ZNF397: variants seen among roughly 807,000 people sequenced by gnomAD.
ZNF397 encodes zinc finger and SCAN domain-containing protein 15.
A neutral mutation model predicts 50.6 loss-of-function variants in ZNF397; 38 were observed. The ratio of observed to expected loss-of-function variants is 0.75; its 90% CI spans 0.58 to 0.98. ZNF397 has a LOEUF of 0.98. Among genes scored for constraint, ZNF397 ranks in the 50% least tolerant of loss-of-function variants. The pLI is 0.00. For missense variants in ZNF397, 624 were observed against 624.1 expected, an observed-to-expected ratio of 1.00 and a Z score of 0.00; for synonymous variants, 228 against 215.2, an observed-to-expected ratio of 1.06 and a Z score of -0.52.
chr18:35,253,336 A>T, downstream of ZNF397: 2 of 780,998 alleles, frequency 2.6e-6, no homozygotes, highest in Middle Eastern at 2.4e-4. Context: ...TATAGTACCG[A>T]ACTGGGAGGG....
chr18:35,251,021 A>T (rs2043573047), downstream of ZNF397: 1 of 152,152 alleles, frequency 6.6e-6, no homozygotes, highest in Non-Finnish European at 1.5e-5. Context: ...TGTTCATGTT[A>T]TTGTGTTCCG....
chr18:35,242,485 T>C lies in ZNF397; in HGVS notation c.15T>C (p.Ser5=). 6.2e-7 allele frequency: 1 copy of C among 1,612,670 alleles called. No individual in the cohort carries two copies. Among genetic ancestry groups the C allele is most frequent in the South Asian group, 1.1e-5 (1 of 91,038 alleles). ...TTCAGCCAAGAATGGCTGTGGAATC[T>C]GGAGTGATTTCAACCCTGATACCTC... MAVE[S]GVISTLIPQD... is the part of the protein sequence containing the mutation. The change falls in exon 2 of 4, where the codon TCT becomes TCC. Residue 5 remains serine (S), a synonymous_variant. Coordinates refer to ENST00000330501, the MANE Select transcript of ZNF397 (RefSeq NM_001135178.3).
rs564852891 is a variant in ZNF397, at chr18:35,258,267, A to G, written c.*329A>G. The G allele has an allele frequency of 7.7e-5, 31 of 400,960 alleles. No homozygotes were observed. The South Asian group carries it at 9.4e-4, about 12-fold the overall frequency. 24.8% of individuals were successfully genotyped at this position (400,960 alleles called of 1,614,324 possible). A position where few individuals can be genotyped will look rare whatever the true frequency, so the allele number is the denominator to read the frequency against. Reference sequence around the variant, plus strand: ...CCATGGGACCACGCATAAATGGAGAACGAGTAAATTTTGCTAAGTCCAAGG... The same window carrying G: ...CCATGGGACCACGCATAAATGGAGAGCGAGTAAATTTTGCTAAGTCCAAGG... On this transcript the variant is annotated 3_prime_UTR_variant, in exon 6 of 6. Transcript: ENST00000261333.
downstream of ZNF397, chr18:35,258,612 C>T (rs546790351): frequency 1.3e-5 from 2 of 152,682 alleles, no homozygotes; most frequent in Admixed American, 1.3e-4. Flanking sequence ...TGGCTCATGC[C>T]TGTAATTCCA....
chr18:35,255,924 G>A (rs2043793469), intron 5 of ZNF397: 1 of 153,116 alleles, frequency 6.5e-6, no homozygotes, highest in Non-Finnish European at 1.5e-5. Flanking sequence ...GTTAAAGTCA[G>A]AGACCCAACA....
intron 1 of ZNF397, chr18:35,241,459 A>G (rs1289173599): frequency 6.6e-6 from 1 of 152,236 alleles, no homozygotes; most frequent in African/African-American, 2.4e-5. Flanking sequence ...AGTGTGAGGA[A>G]TGAATTTTAC....
At chr18:35,243,382 A>G in intron 3 of ZNF397, 89 bp downstream of exon 3, 1 of 1,581,904 alleles carries the variant, frequency 6.3e-7, no homozygotes, top group South Asian at 1.1e-5. Flanking sequence ...CAAACTTGCC[A>G]CATGTGAGCA....
chr18:35,245,988 A>G lies in ZNF397; in HGVS notation c.1283A>G (p.Asn428Ser), dbSNP rs1330377390. The G allele has an allele frequency of 1.9e-6, 3 of 1,580,474 alleles. No individual in the cohort carries two copies. The highest frequency in any genetic ancestry group is 2.3e-5 in the South Asian group (2 of 86,422). ...IHTGERPYEC[N>S]ECGKAFRQSS... is the part of the protein sequence containing the mutation. Reference sequence around the variant, plus strand: ...ACAGGAGAGAGACCCTATGAATGTAATGAATGTGGAAAAGCTTTCAGGCAG... The same window carrying G: ...ACAGGAGAGAGACCCTATGAATGTAGTGAATGTGGAAAAGCTTTCAGGCAG... Residue 428 changes from asparagine to serine, a missense_variant, in exon 4 of 4, where the codon AAT becomes AGT. Asn to Ser is a conservative substitution (Grantham distance 46, BLOSUM62 1). Coordinates refer to ENST00000330501, the MANE Select transcript of ZNF397 (RefSeq NM_001135178.3).
At chr18:35,245,195 C>G (rs2043452865) in intron 3 of ZNF397, 67 bp from the exon 4 acceptor site, 2 of 1,467,874 alleles carry the variant, frequency 1.4e-6, no homozygotes, top group Admixed American at 2.7e-5. Context: ...TGTTTTCTCT[C>G]ATGTAGAAAG....
chr18:35,254,846 A>C (rs1344108420), intron 5 of ZNF397: 2 of 189,926 alleles, frequency 1.1e-5, no homozygotes, highest in African/African-American at 2.4e-5. Flanking sequence ...ATGCTTTGGG[A>C]GTTAGCACTG....
downstream of ZNF397, among the ~76,000 whole-genome samples, chr18:35,250,476 C>G (rs2043559332): frequency 6.6e-6 from 1 of 152,186 alleles, no homozygotes; most frequent in Admixed American, 6.5e-5. Context: ...ATAATAATGT[C>G]TACCTTAAAT....
At chr18:35,242,335 C>G in intron 1 of ZNF397, 56 bp from the exon 2 acceptor site, 1 of 790,560 alleles carries the variant, frequency 1.3e-6, no homozygotes, top group Non-Finnish European at 2.0e-6. Flanking sequence ...TTTCTTATTA[C>G]AAGTACTTAG....
chr18:35,254,708 C>G (rs1221537216), downstream of ZNF397: 1 of 370,480 alleles, frequency 2.7e-6, no homozygotes, highest in Non-Finnish European at 5.0e-6. Context: ...AGAGAAGATA[C>G]GTTTTTAGGT....
chr18:35,256,021 G>A (rs2043797089), intron 5 of ZNF397, among the ~76,000 whole-genome samples: 1 of 152,138 alleles, frequency 6.6e-6, no homozygotes, highest in Non-Finnish European at 1.5e-5. Flanking sequence ...ATATAATTGT[G>A]TAGGGACAAA....
downstream of ZNF397, chr18:35,252,197 T>C (rs976879707): frequency 6.6e-6 from 1 of 152,184 alleles, no homozygotes; most frequent in Admixed American, 6.5e-5. Context: ...AGACCCAGAA[T>C]GACCTGTGAG....
At position 35,242,678 on chromosome 18, in the gene ZNF397, C is replaced by T. The variant is rs781505062; in HGVS notation, c.208C>T (p.Arg70Ter). 6.8e-6 allele frequency: 11 copies of T among 1,614,102 alleles called. No individual in the cohort carries two copies. In the Admixed American group the frequency reaches 1.2e-4, roughly 17 times the overall value. Residue 70 changes from arginine to a stop codon, truncating the protein, a stop_gained, in exon 2 of 4, where the codon CGA becomes TGA. Transcript: ENST00000330501. LOFTEE classifies it high-confidence loss of function. ...ACCTGGGCCCCGGGAGGCTCTGAGCCGACTCCAGGAACTTTGCTATCAGTG... is the reference window on the plus strand; with the variant it reads ...ACCTGGGCCCCGGGAGGCTCTGAGCTGACTCCAGGAACTTTGCTATCAGTG... ...ETPGPREALS[R>*]LQELCYQWLM... is the part of the protein sequence containing the mutation.
Position 35,246,193 on chromosome 18 carries a change from T to C in ZNF397, c.1488T>C (p.Leu496=). 1 of 1,552,012 alleles carries C rather than the reference T, an allele frequency of 6.4e-7. No individual in the cohort carries two copies. Among genetic ancestry groups the C allele is most frequent in the Non-Finnish European group, 8.7e-7 (1 of 1,147,054 alleles). The change falls in exon 4 of 4, where the codon CTT becomes CTC. Residue 496 remains leucine, a synonymous_variant. Transcript: ENST00000330501. ...CGKTFKRSSA[L]VQHQRIHSGD... is the part of the protein sequence containing the mutation. ...AAACTTTCAAAAGGAGCTCAGCCCT[T>C]GTTCAGCATCAGAGAATTCATTCTG...
In ZNF397 at chr18:35,246,204, A is replaced by G. The variant is rs907573852; in HGVS notation, c.1499A>G (p.Gln500Arg). Residue 500 changes from glutamine to arginine, a missense_variant, in exon 4 of 4, where the codon CAG (glutamine) becomes CGG (arginine). Transcript: ENST00000330501. Reference protein sequence around the residue: ...FKRSSALVQHQRIHSGDEAYI... With the variant: ...FKRSSALVQHRRIHSGDEAYI... ...AGGAGCTCAGCCCTTGTTCAGCATC[A>G]GAGAATTCATTCTGGGGATGAAGCT... is the stretch of plus-strand genomic sequence containing the variant. 1.5e-5 allele frequency: 24 copies of G among 1,552,016 alleles called. No homozygotes were observed. The African/African-American group carries it at 2.2e-4, about 14-fold the overall frequency.
chr18:35,241,879 A>G (rs535295458), intron 1 of ZNF397, among the ~76,000 whole-genome samples: 6 of 152,390 alleles, frequency 3.9e-5, no homozygotes, highest in African/African-American at 1.4e-4. Context: ...AACTTTTAAA[A>G]AAACGTTATT....
Sources: gnomAD v4.1 joint callset for allele counts (sites outside exome capture counted in the v4.1 genomes callset) on GRCh38, gnomAD v4.1.1 for gene constraint, MANE v1.5 for transcripts, NCBI Gene and HGNC (gene_info 2026-07-23, HGNC 2026-07-21) for gene names.